E2F5: variants seen among roughly 807,000 people sequenced by gnomAD.
The protein encoded by E2F5 is E2F transcription factor 5.
E2F5 carries 23 observed loss-of-function variants against 39.1 expected under a neutral mutation model. That is an observed-to-expected ratio of 0.59 (90% CI 0.42 to 0.83). The LOEUF is 0.83. Ranked by LOEUF, E2F5 falls within the 40% of genes least tolerant of loss-of-function variation. The probability of loss-of-function intolerance (pLI) is 0.00; values close to 1 mark genes in which losing one functional copy is unlikely to be tolerated. For synonymous variants in E2F5, 145 were observed against 157.8 expected, an observed-to-expected ratio of 0.92 and a Z score of 0.61; for missense variants, 365 against 406.7, an observed-to-expected ratio of 0.90 and a Z score of 0.88.
chr8:85,209,709 G>A (rs529191193), intron 6 of E2F5, among the ~76,000 whole-genome samples: 2 of 152,200 alleles, frequency 1.3e-5, no homozygotes, highest in Non-Finnish European at 2.9e-5. Flanking sequence ...GTCAGGTGTG[G>A]AATTTTCCAT....
Position 85,214,506 on chromosome 8 carries a change from A to G in E2F5, c.*644A>G. 8.3e-7 allele frequency: 1 copy of G among 1,200,060 alleles called. No individual in the cohort carries two copies. Among genetic ancestry groups the G allele is most frequent in the Non-Finnish European group, 1.2e-6 (1 of 816,290 alleles). 74.3% of individuals were successfully genotyped at this position (1,200,060 alleles called of 1,614,324 possible). On this transcript the variant is annotated 3_prime_UTR_variant, in exon 8 of 8. Transcript: ENST00000416274. ...ACAAGATTTTTAAAAATAAAATTGTATAAAACATTCAATTTATTGGTCTTT... is the reference window on the plus strand; with the variant it reads ...ACAAGATTTTTAAAAATAAAATTGTGTAAAACATTCAATTTATTGGTCTTT...
At chr8:85,184,259 G>A (rs1051722726) in intron 1 of E2F5, among the ~76,000 whole-genome samples, 6 of 152,042 alleles carry the variant, frequency 3.9e-5, no homozygotes, top group African/African-American at 1.4e-4. Flanking sequence ...CAGAATCAAT[G>A]ACAAAAACCC....
intron 6 of E2F5, 139 bp downstream of exon 6, chr8:85,209,548 A>G (rs1812872155): frequency 4.7e-6 from 5 of 1,065,348 alleles, no homozygotes; most frequent in Non-Finnish European, 6.6e-6. Context: ...ACATAATAAC[A>G]TATCTTGGGG....
Position 85,214,502 on chromosome 8 carries a change from T to C in E2F5, c.*640T>C. On this transcript the variant is annotated 3_prime_UTR_variant, in exon 8 of 8. Coordinates refer to ENST00000416274, the MANE Select transcript of E2F5 (RefSeq NM_001951.4). ...ATTAACAAGATTTTTAAAAATAAAA[T>C]TGTATAAAACATTCAATTTATTGGT... The C allele has an allele frequency of 1.7e-6, 2 of 1,168,248 alleles. No individual in the cohort carries two copies. Among genetic ancestry groups the C allele is most frequent in the East Asian group, 2.3e-5 (1 of 42,556 alleles). The allele number at this position is 1,168,248 out of a possible 1,614,324, so 72.4% of individuals were successfully genotyped here. A position where few individuals can be genotyped will look rare whatever the true frequency, so the allele number is the denominator to read the frequency against.
Position 85,177,279 on chromosome 8 carries a change from T to C in E2F5, c.-142T>C, listed in dbSNP as rs1396104384. 1 of 669,508 alleles carries C rather than the reference T, an allele frequency of 1.5e-6. No individual in the cohort carries two copies. The highest frequency in any genetic ancestry group is 1.4e-4 in the East Asian group (1 of 7,392). 41.5% of individuals were successfully genotyped at this position (669,508 alleles called of 1,614,324 possible). A position where few individuals can be genotyped will look rare whatever the true frequency, so the allele number is the denominator to read the frequency against. On this transcript the variant is annotated 5_prime_UTR_variant, in exon 1 of 8. Coordinates refer to ENST00000416274, the MANE Select transcript of E2F5 (RefSeq NM_001951.4). The stretch of plus-strand genomic sequence containing the variant: ...ACTCCCGTGGGCGCCGCACACCTGT[T>C]GTTTGCAGCAGCCAGCGACCCGCAC...
intron 3 of E2F5, among the ~76,000 whole-genome samples, chr8:85,204,249 A>G (rs995739576): frequency 5.3e-5 from 8 of 151,998 alleles, no homozygotes; most frequent in African/African-American, 1.7e-4. Flanking sequence ...CATTGCCCCA[A>G]CCATGGTTAT....
intron 1 of E2F5, among the ~76,000 whole-genome samples, chr8:85,179,638 A>T (rs1049004153): frequency 2.0e-5 from 3 of 151,878 alleles, no homozygotes; most frequent in Non-Finnish European, 4.4e-5. Context: ...ATTTATTTAT[A>T]TATACTTATA....
chr8:85,183,006 C>T (rs764907451), intron 1 of E2F5, among the ~76,000 whole-genome samples: 5 of 152,164 alleles, frequency 3.3e-5, no homozygotes, highest in Non-Finnish European at 7.3e-5. Context: ...AATCCCAGCA[C>T]TTTGGGAGGC....
chr8:85,214,325 ATAAC>A lies in E2F5; in HGVS notation c.*465_*468del, dbSNP rs1378708055. On this transcript the variant is annotated 3_prime_UTR_variant, in exon 8 of 8. Transcript: ENST00000416274. ...AAGTGAAGGATGTAAACGAGGATAT[ATAAC>A]TGTTTCAGTGAACAGATTTTGTGAA... The A allele has an allele frequency of 1.7e-6, 1 of 590,988 alleles. No individual in the cohort carries two copies. Among genetic ancestry groups the A allele is most frequent in the Non-Finnish European group, 3.0e-6 (1 of 331,036 alleles). The allele number at this position is 590,988 out of a possible 1,614,324, so 36.6% of individuals were successfully genotyped here. A position where few individuals can be genotyped will look rare whatever the true frequency, so the allele number is the denominator to read the frequency against.
rs1354974292 is a variant in E2F5, at chr8:85,182,267, T to C, written c.234+4613T>C. ...CTTACCATATGCAAAACATTTTACA[T>C]GTTTTTAGCTAATGTTATCCTCTTA... is the stretch of plus-strand genomic sequence containing the variant. On this transcript the variant is annotated intron_variant, in intron 1 of 7. Coordinates refer to ENST00000416274, the MANE Select transcript of E2F5 (RefSeq NM_001951.4). 2.0e-5 allele frequency among the ~76,000 whole-genome samples: 3 copies of C among 152,256 alleles called. No individual in the cohort carries two copies. In the East Asian group the frequency reaches 5.8e-4, roughly 29 times the overall value.
At chr8:85,185,605 A>G (rs1812313854) in intron 1 of E2F5, among the ~76,000 whole-genome samples, 1 of 152,246 alleles carries the variant, frequency 6.6e-6, no homozygotes, top group Non-Finnish European at 1.5e-5. Flanking sequence ...GATCTTTGCA[A>G]TCTACCCATC....
intron 5 of E2F5, 22 bp downstream of exon 5, chr8:85,207,511 T>G: frequency 6.5e-7 from 1 of 1,529,894 alleles, no homozygotes; most frequent in Non-Finnish European, 8.8e-7. Flanking sequence ...AACTTATGTT[T>G]ATATAAGTGG....
chr8:85,207,666 G>T (rs913788720), intron 5 of E2F5, among the ~76,000 whole-genome samples, 177 bp downstream of exon 5: 9 of 152,064 alleles, frequency 5.9e-5, no homozygotes, highest in African/African-American at 2.2e-4. Flanking sequence ...TAAAATTATA[G>T]AACTAAATGA....
In E2F5 at chr8:85,213,938, A is replaced by T; in HGVS notation, c.*76A>T. ...AGACTTCTTAATAACCTAAATATTTAAAATAATGAATGTAACACCTTTTTT... is the reference window on the plus strand; with the variant it reads ...AGACTTCTTAATAACCTAAATATTTTAAATAATGAATGTAACACCTTTTTT... On this transcript the variant is annotated 3_prime_UTR_variant, in exon 8 of 8. Coordinates refer to ENST00000416274, the MANE Select transcript of E2F5 (RefSeq NM_001951.4). 1.2e-6 allele frequency: 1 copy of T among 835,012 alleles called. No individual in the cohort carries two copies. Among genetic ancestry groups the T allele is most frequent in the East Asian group, 2.6e-5 (1 of 39,106 alleles). 51.7% of individuals were successfully genotyped at this position (835,012 alleles called of 1,614,324 possible).
chr8:85,194,232 A>C (rs1160948265), intron 1 of E2F5, among the ~76,000 whole-genome samples: 1 of 152,084 alleles, frequency 6.6e-6, no homozygotes, highest in Non-Finnish European at 1.5e-5. Context: ...GTGCCCAGTA[A>C]TTTTGGGAGT....
intron 1 of E2F5, among the ~76,000 whole-genome samples, chr8:85,194,692 G>A (rs1043146048): frequency 1.9e-4 from 29 of 150,926 alleles, no homozygotes; most frequent in African/African-American, 6.6e-4. Context: ...CTGCCACCGC[G>A]CATGGCTAAT....
chr8:85,193,138 G>A (rs1812501321), intron 1 of E2F5, among the ~76,000 whole-genome samples: 1 of 152,080 alleles, frequency 6.6e-6, no homozygotes, highest in Non-Finnish European at 1.5e-5. Context: ...AATTTGAAAA[G>A]TAATGAATAG....
In E2F5 at chr8:85,207,493, T is replaced by C. The variant is rs1264383653; in HGVS notation, c.615+4T>C. 1.9e-6 allele frequency: 3 copies of C among 1,553,714 alleles called. No homozygotes were observed. Among genetic ancestry groups the C allele is most frequent in the Middle Eastern group, 1.7e-4 (1 of 5,982 alleles). The stretch of plus-strand genomic sequence containing the variant: ...GGAGGTACCCATTCCAGAAATGGTA[T>C]GTAGGATAACTTATGTTTATATAAG... On this transcript the variant is annotated splice_donor_region_variant and intron_variant, in intron 5 of 7. Transcript: ENST00000416274.
At chr8:85,194,848 A>G (rs1812547879) in intron 1 of E2F5, among the ~76,000 whole-genome samples, 1 of 150,552 alleles carries the variant, frequency 6.6e-6, no homozygotes, top group Non-Finnish European at 1.5e-5. Context: ...ATTTATTATT[A>G]TTATTATTAT....
Sources: gnomAD v4.1 joint callset for allele counts (sites outside exome capture counted in the v4.1 genomes callset) on GRCh38, gnomAD v4.1.1 for gene constraint, MANE v1.5 for transcripts, NCBI Gene and HGNC (gene_info 2026-07-23, HGNC 2026-07-21) for gene names.